TRIM71: variants seen among roughly 807,000 people sequenced by gnomAD.
TRIM71 encodes tripartite motif containing 71, also known as E3 ubiquitin-protein ligase TRIM71.
A neutral mutation model predicts 61.2 loss-of-function variants in TRIM71; 9 were observed. The observed-to-expected ratio is 0.15, with a 90% CI of 0.09 to 0.26. The LOEUF is 0.26. TRIM71 is among the 10% of genes least tolerant of loss of function. The pLI, the probability that TRIM71 is intolerant of heterozygous loss-of-function variation, is 1.00. For synonymous variants in TRIM71, 645 were observed against 553.2 expected (o/e 1.17, Z -2.33); for missense variants, 998 against 1,238.7 (o/e 0.81, Z 2.92).
Position 32,897,306 on chromosome 3 carries a change from A to T in TRIM71, c.*5495A>T, listed in dbSNP as rs1381058535. 5 of 152,108 alleles carry T rather than the reference A, an allele frequency of 3.3e-5. No individual in the cohort carries two copies. The highest frequency in any genetic ancestry group is 1.2e-4 in the African/African-American group (5 of 41,418). The allele number at this position is 152,108 out of a possible 1,614,324, so 9.4% of individuals were successfully genotyped here. A position where few individuals can be genotyped will look rare whatever the true frequency, so the allele number is the denominator to read the frequency against. ...TATTTGTCCAAGGCAGACATGATAT[A>T]AGGAATATGCACTACCGTAGTAACT... On this transcript the variant is annotated 3_prime_UTR_variant, in exon 4 of 4. Coordinates refer to ENST00000383763, the MANE Select transcript of TRIM71 (RefSeq NM_001039111.3).
At chr3:32,866,745 G>GA (rs1696740211) in intron 1 of TRIM71, among the ~76,000 whole-genome samples, 1 of 152,136 alleles carries the variant, frequency 6.6e-6, no homozygotes, top group Non-Finnish European at 1.5e-5. Flanking sequence ...GTGATAGAAG[G>GA]AACCTACGCA....
chr3:32,865,995 T>G (rs1432657010), intron 1 of TRIM71, among the ~76,000 whole-genome samples: 1 of 151,548 alleles, frequency 6.6e-6, no homozygotes, highest in East Asian at 1.9e-4. Context: ...CCTGGCTAAT[T>G]TTTGTGTATT....
chr3:32,819,984 C>T (rs928382097), intron 1 of TRIM71, among the ~76,000 whole-genome samples: 3 of 152,158 alleles, frequency 2.0e-5, no homozygotes, highest in Non-Finnish European at 4.4e-5. Context: ...CTCCTTTCCA[C>T]TTTGGTATTA....
chr3:32,823,839 C>T (rs529950792), intron 1 of TRIM71, among the ~76,000 whole-genome samples: 51 of 152,148 alleles, frequency 3.4e-4, no homozygotes, highest in Non-Finnish European at 5.7e-4. Flanking sequence ...TTTGGGAGGC[C>T]GAGGCGGGCG....
At chr3:32,840,333 C>T (rs1470761587) in intron 1 of TRIM71, among the ~76,000 whole-genome samples, 3 of 151,974 alleles carry the variant, frequency 2.0e-5, no homozygotes, top group East Asian at 1.9e-4. Context: ...CAACAAACCC[C>T]GCATTCTGTG....
chr3:32,886,238 T>C lies in TRIM71; in HGVS notation c.1155+170T>C, dbSNP rs188390129. 7.9e-5 allele frequency among the ~76,000 whole-genome samples: 12 copies of C among 152,234 alleles called. No individual in the cohort carries two copies. In the East Asian group the frequency reaches 2.1e-3, roughly 27 times the overall value. ...AAGATGCAGGGGGTCCCTGGAACAT[T>C]GTGGGTGCTGTCTGCAGTAAAACAA... On this transcript the variant is annotated intron_variant, in intron 3 of 3. Transcript: ENST00000383763.
At chr3:32,847,313 C>T (rs1236273494) in intron 1 of TRIM71, among the ~76,000 whole-genome samples, 3 of 151,902 alleles carry the variant, frequency 2.0e-5, no homozygotes, top group Admixed American at 6.6e-5. Context: ...TCTCCTGCCT[C>T]CACCTCCCGA....
At position 32,890,284 on chromosome 3, in the gene TRIM71, G is replaced by T; in HGVS notation, c.1156-76G>T. ...TTTGTCTGATGCTTCCTTGTGATTA[G>T]TTGTGGCTTATGTGGTATTTTCTGT... On this transcript the variant is annotated intron_variant, in intron 3 of 3. Coordinates refer to ENST00000383763, the MANE Select transcript of TRIM71 (RefSeq NM_001039111.3). The surrounding 1 kb of genome is among the most constrained non-coding windows in gnomAD (Gnocchi z 6.2). 6.6e-7 allele frequency: 1 copy of T among 1,521,788 alleles called. No individual in the cohort carries two copies. Among genetic ancestry groups the T allele is most frequent in the South Asian group, 1.3e-5 (1 of 78,192 alleles). 94.3% of individuals were successfully genotyped at this position (1,521,788 alleles called of 1,614,324 possible). A position where few individuals can be genotyped will look rare whatever the true frequency, so the allele number is the denominator to read the frequency against.
chr3:32,821,121 T>G (rs968275276), intron 1 of TRIM71, among the ~76,000 whole-genome samples: 6 of 152,212 alleles, frequency 3.9e-5, no homozygotes, highest in African/African-American at 1.2e-4. Context: ...CCTTTTCTTT[T>G]GATCTCGTTA....
chr3:32,874,519 C>A (rs1696834222), intron 2 of TRIM71, among the ~76,000 whole-genome samples: 1 of 151,842 alleles, frequency 6.6e-6, no homozygotes, highest in South Asian at 2.1e-4. Flanking sequence ...TGCACCACTG[C>A]ACCTGGCTAA....
chr3:32,870,359 A>G (rs1188345868), intron 1 of TRIM71, among the ~76,000 whole-genome samples: 4 of 152,132 alleles, frequency 2.6e-5, no homozygotes, highest in Admixed American at 2.6e-4. Flanking sequence ...ATTATCAACC[A>G]TTTGGGTGCT....
At chr3:32,875,812 G>A (rs144361378) in intron 2 of TRIM71, among the ~76,000 whole-genome samples, 2 of 152,238 alleles carry the variant, frequency 1.3e-5, no homozygotes, top group African/African-American at 4.8e-5. Flanking sequence ...CTCCAGCCTG[G>A]GCAACAGTTA....
chr3:32,838,360 G>GA (rs1696358449), intron 1 of TRIM71, among the ~76,000 whole-genome samples: 1 of 151,978 alleles, frequency 6.6e-6, no homozygotes, highest in South Asian at 2.1e-4. Context: ...TAGTAGCTGG[G>GA]ATTAGAGGCT....
intron 1 of TRIM71, among the ~76,000 whole-genome samples, chr3:32,848,861 G>A (rs1224313002): frequency 6.6e-6 from 1 of 152,116 alleles, no homozygotes; most frequent in Non-Finnish European, 1.5e-5. Flanking sequence ...GTGTCATGGA[G>A]CAGTGGAAAC....
chr3:32,838,942 A>T (rs1164502649), intron 1 of TRIM71, among the ~76,000 whole-genome samples: 3 of 151,996 alleles, frequency 2.0e-5, no homozygotes, highest in Non-Finnish European at 4.4e-5. Context: ...CTGAGATGAC[A>T]GGTGCATGGC....
intron 2 of TRIM71, among the ~76,000 whole-genome samples, chr3:32,878,938 C>A (rs779793150): frequency 6.6e-6 from 1 of 152,222 alleles, no homozygotes; most frequent in African/African-American, 2.4e-5. Flanking sequence ...ATCAGGCTGT[C>A]TCCTTCTAAT....
chr3:32,887,584 C>T (rs954303064), intron 3 of TRIM71, among the ~76,000 whole-genome samples: 2 of 147,288 alleles, frequency 1.4e-5, no homozygotes, highest in Non-Finnish European at 3.0e-5. Flanking sequence ...TTTCCTGCAT[C>T]TCTGGTTACT....
intron 1 of TRIM71, among the ~76,000 whole-genome samples, chr3:32,824,802 C>T (rs945990979): frequency 1.9e-4 from 29 of 151,916 alleles, no homozygotes; most frequent in African/African-American, 7.0e-4. Context: ...CTTTTCTTTT[C>T]TTTTTTTCTT....
Position 32,890,979 on chromosome 3 carries a change from C to T in TRIM71, c.1775C>T (p.Pro592Leu), listed in dbSNP as rs1245958336. Residue 592 changes from proline to leucine, a missense_variant, in exon 4 of 4, where the codon CCG becomes CTG. By Grantham distance (98) the Pro-to-Leu change is moderately conservative. Transcript: ENST00000383763. The surrounding 1 kb of genome is among the most constrained non-coding windows in gnomAD (Gnocchi z 6.2). The stretch of plus-strand genomic sequence containing the variant: ...CGCAGCTACGTGGGCATTGGGCTCC[C>T]GGGCCTGAGCTTCGGCAGTGAGGGT... ...SGRSYVGIGL[P>L]GLSFGSEGDS... 4 of 1,614,154 alleles carry T rather than the reference C, an allele frequency of 2.5e-6. No individual in the cohort carries two copies. Among genetic ancestry groups the T allele is most frequent in the South Asian group, 1.1e-5 (1 of 91,086 alleles).
Sources: gnomAD v4.1 joint callset for allele counts (sites outside exome capture counted in the v4.1 genomes callset) on GRCh38, gnomAD v4.1.1 for gene constraint, Gnocchi (gnomAD v3.1) non-coding constraint, MANE v1.5 for transcripts, NCBI Gene and HGNC (gene_info 2026-07-23, HGNC 2026-07-21) for gene names.